The following PTPRD variants were observed in gnomAD, a reference collection of about 807,000 sequenced individuals.
The protein encoded by PTPRD is protein tyrosine phosphatase receptor type D, also known as receptor-type tyrosine-protein phosphatase delta.
PTPRD carries 34 observed loss-of-function variants against 214.5 expected under a neutral mutation model. The ratio of observed to expected loss-of-function variants is 0.16; its 90% confidence interval spans 0.12 to 0.21. PTPRD has a LOEUF of 0.21. Ranked by LOEUF, PTPRD falls within the 10% of genes least tolerant of loss-of-function variation. The probability of loss-of-function intolerance (pLI) is 1.00; values close to 1 mark genes in which losing one functional copy is unlikely to be tolerated. For missense variants in PTPRD, 2,545 were observed against 2,398.7 expected (o/e 1.06, Z -1.27); for synonymous variants, 1,128 against 845.7 (o/e 1.33, Z -5.79).
chr9:9,015,302 G>A (rs1341991543), intron 11 of PTPRD, among the ~76,000 whole-genome samples: 3 of 152,036 alleles, frequency 2.0e-5, no homozygotes, highest in South Asian at 2.1e-4. Flanking sequence ...TCATAAAGAC[G>A]TTGCTGATAA....
intron 2 of PTPRD, among the ~76,000 whole-genome samples, chr9:10,532,691 C>G (rs1176011820): frequency 6.7e-6 from 1 of 150,172 alleles, no homozygotes; most frequent in East Asian, 2.0e-4. Context: ...CAGGGAATCT[C>G]TCCTAAATAG....
intron 5 of PTPRD, among the ~76,000 whole-genome samples, chr9:9,921,027 C>CT (rs1477524029): frequency 6.6e-6 from 1 of 152,088 alleles, no homozygotes; most frequent in African/African-American, 2.4e-5. Context: ...ACCTTGCTTT[C>CT]TTTTTGCCTT....
chr9:10,258,180 G>C (rs1431050833), intron 3 of PTPRD, among the ~76,000 whole-genome samples: 1 of 152,156 alleles, frequency 6.6e-6, no homozygotes, highest in African/African-American at 2.4e-5. Context: ...GTTGTAGTTG[G>C]GTTAAGAGAG....
At chr9:8,737,279 A>G (rs1173336659) in intron 11 of PTPRD, among the ~76,000 whole-genome samples, 1 of 152,200 alleles carries the variant, frequency 6.6e-6, no homozygotes, top group Admixed American at 6.5e-5. Context: ...AGGAGGTCAG[A>G]GGTGTGAAGA....
At chr9:9,634,532 T>A (rs374107878) in intron 7 of PTPRD, among the ~76,000 whole-genome samples, 127 of 152,294 alleles carry the variant, frequency 8.3e-4, no homozygotes, top group African/African-American at 2.9e-3. Flanking sequence ...ATTCACATAA[T>A]TGTTTCTACC....
chr9:10,386,698 CAGAG>C (rs376278157), intron 2 of PTPRD, among the ~76,000 whole-genome samples: 2 of 150,636 alleles, frequency 1.3e-5, no homozygotes, highest in African/African-American at 2.4e-5. Flanking sequence ...AAACAAAAAA[CAGAG>C]AGAGAGAGAG....
intron 43 of PTPRD, among the ~76,000 whole-genome samples, chr9:8,335,678 A>G (rs1207148416): frequency 6.6e-6 from 1 of 152,172 alleles, no homozygotes; most frequent in Admixed American, 6.5e-5. Flanking sequence ...ACGGGTATTC[A>G]ATTAGGAAAA....
intron 2 of PTPRD, among the ~76,000 whole-genome samples, chr9:10,445,671 T>C (rs1477992579): frequency 1.3e-5 from 2 of 151,978 alleles, no homozygotes; most frequent in African/African-American, 4.8e-5. Flanking sequence ...AGGGCTGGCT[T>C]GAGAACAGTG....
chr9:10,203,837 T>A (rs1564505635), intron 3 of PTPRD, among the ~76,000 whole-genome samples: 1 of 152,170 alleles, frequency 6.6e-6, no homozygotes, highest in Non-Finnish European at 1.5e-5. Flanking sequence ...GAGTTCATCT[T>A]AAGTTATTAG....
chr9:9,256,247 A>G (rs925968294), intron 9 of PTPRD, among the ~76,000 whole-genome samples: 4 of 152,018 alleles, frequency 2.6e-5, no homozygotes, highest in African/African-American at 9.7e-5. Flanking sequence ...ATTATAAAGG[A>G]AAGATCTCAA....
chr9:8,386,677 G>A (rs10123909), intron 37 of PTPRD, among the ~76,000 whole-genome samples: 4,646 of 152,192 alleles, frequency 0.031, 236 homozygotes, highest in African/African-American at 0.11. Context: ...AACCCACCAC[G>A]TTCCTGAAGT....
chr9:9,595,068 T>C (rs1370639316), intron 7 of PTPRD, among the ~76,000 whole-genome samples: 1 of 151,782 alleles, frequency 6.6e-6, no homozygotes, highest in South Asian at 2.1e-4. Context: ...ATGGTCATCA[T>C]TAACAATTCA....
At chr9:10,073,097 T>C (rs185237907) in intron 3 of PTPRD, among the ~76,000 whole-genome samples, 2 of 152,138 alleles carry the variant, frequency 1.3e-5, no homozygotes, top group East Asian at 1.9e-4. Context: ...ATAGAGATAG[T>C]AAAGAAATCA....
At chr9:9,617,453 C>T (rs10977879) in intron 7 of PTPRD, among the ~76,000 whole-genome samples, 42,921 of 151,846 alleles carry the variant, frequency 0.28, 6,458 homozygotes, top group Non-Finnish European at 0.33. Flanking sequence ...CAATCTTTTA[C>T]GGAAATAAGT....
At chr9:8,819,693 T>A (rs562576218) in intron 11 of PTPRD, among the ~76,000 whole-genome samples, 6 of 152,236 alleles carry the variant, frequency 3.9e-5, no homozygotes, top group Non-Finnish European at 7.4e-5. Flanking sequence ...CTTGGGGCAA[T>A]TATTAACTTT....
intron 3 of PTPRD, among the ~76,000 whole-genome samples, chr9:10,140,407 T>C (rs957934247): frequency 3.3e-5 from 5 of 151,300 alleles, no homozygotes; most frequent in Non-Finnish European, 7.4e-5. Context: ...CAAAAAATGA[T>C]AAAGGGGATA....
intron 3 of PTPRD, among the ~76,000 whole-genome samples, chr9:10,098,254 A>G (rs2098513167): frequency 6.6e-6 from 1 of 151,028 alleles, no homozygotes; most frequent in African/African-American, 2.4e-5. Flanking sequence ...CAAAAAACCA[A>G]ACACCGCGTG....
chr9:8,336,674 C>A (rs1847173995), intron 43 of PTPRD, among the ~76,000 whole-genome samples: 1 of 145,294 alleles, frequency 6.9e-6, no homozygotes, highest in Non-Finnish European at 1.5e-5. Context: ...AGGCAACCTA[C>A]AGAATGGGAG....
At chr9:9,873,177 T>C (rs1009200438) in intron 5 of PTPRD, among the ~76,000 whole-genome samples, 2 of 152,132 alleles carry the variant, frequency 1.3e-5, no homozygotes, top group Admixed American at 1.3e-4. Flanking sequence ...GAAAGACTCA[T>C]CACCAATGTA....
Sources: allele counts gnomAD v4.1 joint callset (sites outside exome capture counted in the v4.1 genomes callset), GRCh38; gene constraint gnomAD v4.1.1; transcripts MANE v1.5; gene names NCBI Gene and HGNC (gene_info 2026-07-23, HGNC 2026-07-21).